Variants in DPY19L2 observed in about 807,000 individuals in gnomAD.
DPY19L2 encodes the protein dpy-19 like 2.
DPY19L2 carries 34 observed loss-of-function variants against 97.9 expected under a neutral mutation model. The ratio of observed to expected loss-of-function variants is 0.35; its 90% CI spans 0.26 to 0.46. The LOEUF (loss-of-function observed/expected upper bound fraction) is 0.46, where lower values mean the gene tolerates loss of function less well. Ranked by LOEUF, DPY19L2 falls within the 20% of genes least tolerant of loss-of-function variation. The pLI is 1.00. For synonymous variants in DPY19L2, 230 were observed against 307.9 expected, an observed-to-expected ratio of 0.75 and a Z score of 2.65; for missense variants, 623 against 911.4, an observed-to-expected ratio of 0.68 and a Z score of 4.07.
intron 16 of DPY19L2, among the ~76,000 whole-genome samples, chr12:63,589,342 G>T (rs1304629990): frequency 2.3e-5 from 1 of 44,360 alleles, no homozygotes; most frequent in African/African-American, 6.6e-5. Context: ...AATGTGGCTA[G>T]ATAAAAATGT....
chr12:63,622,841 G>A (rs1334534668), intron 8 of DPY19L2, among the ~76,000 whole-genome samples: 14 of 148,034 alleles, frequency 9.5e-5, no homozygotes, highest in East Asian at 1.9e-4. Context: ...CAGGAGAATC[G>A]CTTGAACCCG....
chr12:63,657,559 G>GTT (rs34736624), intron 4 of DPY19L2, among the ~76,000 whole-genome samples: 3 of 149,868 alleles, frequency 2.0e-5, no homozygotes, highest in South Asian at 2.1e-4. Context: ...TAACATTTAG[G>GTT]TTTTTTTTTT....
At position 63,646,382 on chromosome 12, in the gene DPY19L2, C is replaced by CA. The variant is rs553115047; in HGVS notation, c.709+862dup. ...TTTCTCCAATCCTTTACATTGTACACAAAAAAGTATAATTGCCCCTCAAAC... is the reference window on the plus strand; with the variant it reads ...TTTCTCCAATCCTTTACATTGTACACAAAAAAAGTATAATTGCCCCTCAAAC... On this transcript the variant is annotated intron_variant, in intron 5 of 21. Transcript: ENST00000324472. 1.3e-3 allele frequency among the ~76,000 whole-genome samples: 200 copies of CA among 152,050 alleles called. 1 individual carries two copies. Among genetic ancestry groups the CA allele is most frequent in the African/African-American group, 4.1e-3 (171 of 41,478 alleles).
At chr12:63,592,153 G>A (rs1349610346) in intron 16 of DPY19L2, among the ~76,000 whole-genome samples, 11 of 142,250 alleles carry the variant, frequency 7.7e-5, no homozygotes, top group African/African-American at 2.7e-4. Flanking sequence ...AGAGAGAGAA[G>A]GAAGGAAGGC....
intron 3 of DPY19L2, 52 bp downstream of exon 3, chr12:63,663,706 A>T: frequency 1.4e-6 from 2 of 1,454,692 alleles, no homozygotes; most frequent in Non-Finnish European, 1.9e-6. Context: ...TCTACCTCAT[A>T]GTCTCGCTAT....
intron 16 of DPY19L2, among the ~76,000 whole-genome samples, chr12:63,590,814 T>C (rs1359451889): frequency 1.3e-5 from 2 of 152,102 alleles, no homozygotes; most frequent in Non-Finnish European, 2.9e-5. Flanking sequence ...TAGCCCCTGC[T>C]ATTATTATTT....
intron 4 of DPY19L2, among the ~76,000 whole-genome samples, chr12:63,650,022 C>G (rs1218248046): frequency 2.0e-5 from 3 of 152,000 alleles, no homozygotes; most frequent in Non-Finnish European, 2.9e-5. Flanking sequence ...TCAACACAGG[C>G]AAATCAATAA....
chr12:63,660,984 C>T (rs1213052838), intron 4 of DPY19L2: 1 of 156,206 alleles, frequency 6.4e-6, no homozygotes, highest in African/African-American at 2.4e-5. Flanking sequence ...ACTATTCAAG[C>T]TCATCACTCT....
chr12:63,566,969 C>T (rs1448401355), intron 21 of DPY19L2, among the ~76,000 whole-genome samples: 3 of 152,044 alleles, frequency 2.0e-5, no homozygotes, highest in Non-Finnish European at 4.4e-5. Context: ...GGCTATCCAT[C>T]ACCACAAACG....
intron 15 of DPY19L2, among the ~76,000 whole-genome samples, chr12:63,594,582 T>TGC (rs1491093600): frequency 1.3e-5 from 1 of 77,594 alleles, no homozygotes; most frequent in Non-Finnish European, 2.4e-5. Context: ...GATGTTTGTA[T>TGC]GTGTGTGTGT....
intron 1 of DPY19L2, chr12:63,666,344 G>A: frequency 8.1e-6 from 2 of 248,190 alleles, no homozygotes; most frequent in Non-Finnish European, 1.6e-5. Flanking sequence ...CCAATGTGCA[G>A]CTCAACCCTT....
At chr12:63,603,049 A>T (rs1198287190) in intron 12 of DPY19L2, among the ~76,000 whole-genome samples, 2 of 152,176 alleles carry the variant, frequency 1.3e-5, no homozygotes, top group Admixed American at 6.5e-5. Flanking sequence ...TGAAAAATAG[A>T]ATGATGGCAG....
At chr12:63,644,574 T>A in intron 5 of DPY19L2, 78 bp from the exon 6 acceptor site, 1 of 1,545,756 alleles carries the variant, frequency 6.5e-7, no homozygotes, top group Non-Finnish European at 8.7e-7. Flanking sequence ...CTCAGTGCTT[T>A]GCAATCAAGA....
intron 11 of DPY19L2, among the ~76,000 whole-genome samples, chr12:63,616,519 C>A (rs1048055915): frequency 1.1e-3 from 170 of 152,164 alleles, no homozygotes; most frequent in Middle Eastern, 3.4e-3. Context: ...TAGTTGGTAT[C>A]ATTTCTGATC....
chr12:63,570,066 A>G (rs1039990475), intron 20 of DPY19L2, among the ~76,000 whole-genome samples: 28 of 152,166 alleles, frequency 1.8e-4, no homozygotes, highest in African/African-American at 6.3e-4. Context: ...TGGCTCCTAG[A>G]CAGCAGACCT....
At chr12:63,594,491 G>GTGTGTGTGTGTGTGTGTGTGTGTGTA (rs58963302) in intron 15 of DPY19L2, among the ~76,000 whole-genome samples, 5 of 144,652 alleles carry the variant, frequency 3.5e-5, no homozygotes, top group African/African-American at 1.3e-4. Context: ...GTGTGTGTGT[G>GTGTGTGTGTGTGTGTGTGTGTGTGTA]TATGAAACTT....
At chr12:63,604,679 T>C (rs534926287) in intron 12 of DPY19L2, among the ~76,000 whole-genome samples, 3 of 152,270 alleles carry the variant, frequency 2.0e-5, no homozygotes, top group African/African-American at 7.2e-5. Flanking sequence ...AGTTCTATAA[T>C]CACCAAGTTG....
At chr12:63,588,745 C>CT (rs913709153) in intron 16 of DPY19L2, among the ~76,000 whole-genome samples, 16,182 of 129,860 alleles carry the variant, frequency 0.12, 1,108 homozygotes, top group East Asian at 0.36. Flanking sequence ...AGGAAACTTT[C>CT]TTTTTTTTTT....
At chr12:63,618,815 A>G (rs1888241648) in intron 9 of DPY19L2, among the ~76,000 whole-genome samples, 1 of 152,266 alleles carries the variant, frequency 6.6e-6, no homozygotes, top group African/African-American at 2.4e-5. Flanking sequence ...GTCCAGCACC[A>G]CATCAAAAAT....
Sources: gnomAD v4.1 joint callset for allele counts (sites outside exome capture counted in the v4.1 genomes callset) on GRCh38, gnomAD v4.1.1 for gene constraint, MANE v1.5 for transcripts, NCBI Gene and HGNC (gene_info 2026-07-23, HGNC 2026-07-21) for gene names.